Variants in CNTN5 observed in about 807,000 individuals in gnomAD.
The protein encoded by CNTN5 is contactin-5.
A neutral mutation model predicts 129.1 loss-of-function variants in CNTN5; 77 were observed. The ratio of observed to expected loss-of-function variants is 0.60; its 90% confidence interval spans 0.50 to 0.72. The LOEUF is 0.72. CNTN5 is among the 30% of genes least tolerant of loss of function. The pLI is 0.00. For missense variants in CNTN5, 1,478 were observed against 1,328.8 expected, an observed-to-expected ratio of 1.11 and a Z score of -1.75; for synonymous variants, 509 against 465.6, an observed-to-expected ratio of 1.09 and a Z score of -1.20.
At chr11:99,168,277 G>A (rs1315878535) in intron 1 of CNTN5, among the ~76,000 whole-genome samples, 1 of 151,866 alleles carries the variant, frequency 6.6e-6, no homozygotes, top group Non-Finnish European at 1.5e-5. Context: ...AAATGTACAA[G>A]TTGAGGCTGG....
At chr11:99,838,531 C>T (rs955303764) in intron 4 of CNTN5, among the ~76,000 whole-genome samples, 8 of 152,188 alleles carry the variant, frequency 5.3e-5, no homozygotes, top group African/African-American at 9.7e-5. Flanking sequence ...AGCATTTTCT[C>T]TTCAAGTCTG....
chr11:99,438,370 A>T (rs1334832424), intron 2 of CNTN5, among the ~76,000 whole-genome samples: 2 of 152,202 alleles, frequency 1.3e-5, no homozygotes, highest in Non-Finnish European at 2.9e-5. Context: ...TGATGACTAT[A>T]TGTCACATAT....
chr11:99,174,707 A>T (rs1278407752), intron 1 of CNTN5, among the ~76,000 whole-genome samples: 1 of 152,102 alleles, frequency 6.6e-6, no homozygotes, highest in Non-Finnish European at 1.5e-5. Flanking sequence ...AGGCACTATT[A>T]TGCCCATAAT....
At chr11:99,461,491 A>C (rs1158632751) in intron 2 of CNTN5, among the ~76,000 whole-genome samples, 1 of 152,182 alleles carries the variant, frequency 6.6e-6, no homozygotes, top group African/African-American at 2.4e-5. Flanking sequence ...TCACCTAAAA[A>C]AAATCTGTAG....
intron 2 of CNTN5, among the ~76,000 whole-genome samples, chr11:99,501,906 A>G (rs1946440437): frequency 6.6e-6 from 1 of 152,312 alleles, no homozygotes; most frequent in South Asian, 2.1e-4. Flanking sequence ...TGATTCTGTT[A>G]TCTTCTTTTC....
At chr11:99,676,959 G>A (rs1169136386) in intron 3 of CNTN5, among the ~76,000 whole-genome samples, 1 of 152,106 alleles carries the variant, frequency 6.6e-6, no homozygotes, top group Non-Finnish European at 1.5e-5. Context: ...ATTAAAATAT[G>A]TATATGACAT....
At chr11:99,859,202 C>G (rs566045641) in intron 6 of CNTN5, among the ~76,000 whole-genome samples, 1 of 152,192 alleles carries the variant, frequency 6.6e-6, no homozygotes, top group Non-Finnish European at 1.5e-5. Context: ...TTCTCACAAT[C>G]TCTAATTTTG....
intron 6 of CNTN5, among the ~76,000 whole-genome samples, chr11:99,903,544 G>A (rs1565658877): frequency 6.6e-6 from 1 of 152,068 alleles, no homozygotes; most frequent in Non-Finnish European, 1.5e-5. Flanking sequence ...CATTGGATAT[G>A]TGGAAAAGAA....
intron 1 of CNTN5, among the ~76,000 whole-genome samples, chr11:99,181,798 C>A (rs948395137): frequency 5.3e-5 from 8 of 152,050 alleles, no homozygotes; most frequent in African/African-American, 1.9e-4. Flanking sequence ...TTTAAGTTGC[C>A]CCCTTTGGTG....
chr11:100,188,381 G>A (rs1004362985), intron 13 of CNTN5, among the ~76,000 whole-genome samples: 3 of 152,128 alleles, frequency 2.0e-5, no homozygotes, highest in African/African-American at 4.8e-5. Context: ...AGGCTGCAGC[G>A]AGCTGTGATT....
chr11:99,892,281 G>C (rs1949082816), intron 6 of CNTN5, among the ~76,000 whole-genome samples: 2 of 152,128 alleles, frequency 1.3e-5, no homozygotes, highest in Admixed American at 1.3e-4. Context: ...TAGGTTGCCT[G>C]TTCACTCTAA....
At chr11:99,787,918 C>T (rs1459477241) in intron 3 of CNTN5, among the ~76,000 whole-genome samples, 3 of 152,052 alleles carry the variant, frequency 2.0e-5, no homozygotes, top group African/African-American at 7.2e-5. Flanking sequence ...CACTGTTTAT[C>T]TCATTTTAAT....
At chr11:99,411,768 C>CTAT (rs1009417479) in intron 2 of CNTN5, among the ~76,000 whole-genome samples, 1 of 152,118 alleles carries the variant, frequency 6.6e-6, no homozygotes, top group African/African-American at 2.4e-5. Flanking sequence ...AAGCCATGCA[C>CTAT]TATTTGTTTA....
intron 2 of CNTN5, among the ~76,000 whole-genome samples, chr11:99,369,522 A>G (rs1939700851): frequency 1.3e-5 from 2 of 151,764 alleles, no homozygotes. Flanking sequence ...CAAACTTGAT[A>G]TAATTGTAAG....
chr11:99,265,226 C>G (rs370893968), intron 1 of CNTN5, among the ~76,000 whole-genome samples: 1 of 150,190 alleles, frequency 6.7e-6, no homozygotes, highest in South Asian at 2.1e-4. Context: ...ATGTTTTTTT[C>G]TTCATGTAGC....
chr11:100,175,468 T>C lies in CNTN5; in HGVS notation c.1581-15658T>C, dbSNP rs556881158. 1.1e-4 allele frequency among the ~76,000 whole-genome samples: 17 copies of C among 152,262 alleles called. No individual in the cohort carries two copies. The South Asian group carries it at 2.1e-3, about 19-fold the overall frequency. On this transcript the variant is annotated intron_variant, in intron 13 of 24. Coordinates refer to ENST00000524871, the MANE Select transcript of CNTN5 (RefSeq NM_014361.4). ...TTAAAGTGATCTGGATCTCAATGTCTTCATCTATAAAATACAGTGATTCAA... is the reference window on the plus strand; with the variant it reads ...TTAAAGTGATCTGGATCTCAATGTCCTCATCTATAAAATACAGTGATTCAA...
chr11:99,448,735 ATT>A (rs1485776076), intron 2 of CNTN5, among the ~76,000 whole-genome samples: 1 of 71,260 alleles, frequency 1.4e-5, no homozygotes, highest in East Asian at 3.7e-4. Context: ...AATTGTTTTT[ATT>A]TTATTTTATT....
intron 24 of CNTN5, 45 bp from the exon 25 acceptor site, chr11:100,356,072 C>G: frequency 7.2e-7 from 1 of 1,380,014 alleles, no homozygotes; most frequent in Non-Finnish European, 1.0e-6. Flanking sequence ...CTAGCTCAAG[C>G]AAAACCAAGA....
At chr11:99,427,466 T>A (rs1943171384) in intron 2 of CNTN5, among the ~76,000 whole-genome samples, 1 of 152,142 alleles carries the variant, frequency 6.6e-6, no homozygotes, top group Non-Finnish European at 1.5e-5. Context: ...GCTTTTGGAT[T>A]AAAAGTGAAA....
Sources: allele counts gnomAD v4.1 joint callset (sites outside exome capture counted in the v4.1 genomes callset), GRCh38; gene constraint gnomAD v4.1.1; transcripts MANE v1.5; gene names NCBI Gene and HGNC (gene_info 2026-07-23, HGNC 2026-07-21).